Variants in MAPRE2 observed in about 807,000 individuals in gnomAD.
The protein encoded by MAPRE2 is microtubule associated protein RP/EB family member 2.
Under a neutral mutation model 43.2 loss-of-function variants are expected in MAPRE2, and 13 were observed. The ratio of observed to expected loss-of-function variants is 0.30; its 90% CI spans 0.20 to 0.48. The LOEUF (loss-of-function observed/expected upper bound fraction) is 0.48, where lower values mean the gene tolerates loss of function less well. MAPRE2 is among the 20% of genes least tolerant of loss of function. MAPRE2 has a pLI of 0.99. For missense variants in MAPRE2, 161 were observed against 400.2 expected (o/e 0.40, Z 5.10); for synonymous variants, 135 against 148.8 (o/e 0.91, Z 0.68).
intron 2 of MAPRE2, among the ~76,000 whole-genome samples, chr18:35,080,934 TA>T (rs910827272): frequency 6.6e-6 from 1 of 152,226 alleles, no homozygotes; most frequent in African/African-American, 2.4e-5. Flanking sequence ...ATAAGCTTTT[TA>T]TGACCAAATT....
chr18:35,092,177 C>T (rs371028423), intron 2 of MAPRE2, among the ~76,000 whole-genome samples: 1 of 152,320 alleles, frequency 6.6e-6, no homozygotes, highest in African/African-American at 2.4e-5. Context: ...CCAGTCACCT[C>T]CCACCAGGCC....
intron 6 of MAPRE2, among the ~76,000 whole-genome samples, chr18:35,139,670 A>T (rs987901399): frequency 1.3e-5 from 2 of 152,220 alleles, no homozygotes; most frequent in Non-Finnish European, 2.9e-5. Flanking sequence ...TTTGCCTGGG[A>T]CAACCCATGA....
chr18:35,126,380 A>G (rs547939491), intron 4 of MAPRE2, among the ~76,000 whole-genome samples: 1 of 152,304 alleles, frequency 6.6e-6, no homozygotes, highest in South Asian at 2.1e-4. Flanking sequence ...AGAATCAGCC[A>G]TTTCTCAAGA....
chr18:35,068,041 C>A (rs1272262676), intron 1 of MAPRE2, among the ~76,000 whole-genome samples: 1 of 152,064 alleles, frequency 6.6e-6, no homozygotes, highest in African/African-American at 2.4e-5. Flanking sequence ...AAGGGTGCTT[C>A]TGGGAATGGA....
intron 4 of MAPRE2, among the ~76,000 whole-genome samples, chr18:35,114,167 G>A (rs1251061831): frequency 1.3e-5 from 2 of 151,996 alleles, no homozygotes; most frequent in African/African-American, 2.4e-5. Context: ...ATTATATTGC[G>A]TCTCTCATAT....
chr18:35,058,412 T>G (rs1906348131), intron 1 of MAPRE2, among the ~76,000 whole-genome samples: 1 of 152,208 alleles, frequency 6.6e-6, no homozygotes, highest in African/African-American at 2.4e-5. Context: ...TTGTCTATTT[T>G]TTTTTAAGGA....
Position 35,141,045 on chromosome 18 carries a change from A to T in MAPRE2, c.*676A>T, listed in dbSNP as rs1216944766. 6.6e-6 allele frequency: 1 copy of T among 152,190 alleles called. No homozygotes were observed. Among genetic ancestry groups the T allele is most frequent in the Non-Finnish European group, 1.5e-5 (1 of 68,054 alleles). 9.4% of individuals were successfully genotyped at this position (152,190 alleles called of 1,614,324 possible). A position where few individuals can be genotyped will look rare whatever the true frequency, so the allele number is the denominator to read the frequency against. On this transcript the variant is annotated 3_prime_UTR_variant, in exon 7 of 7. Coordinates refer to ENST00000300249, the MANE Select transcript of MAPRE2 (RefSeq NM_014268.4). ...ACTACACAGTATGTTGTTAGTTTTG[A>T]AAGACATTCACTCAAGGAAAACACC... is the stretch of plus-strand genomic sequence containing the variant.
intron 4 of MAPRE2, among the ~76,000 whole-genome samples, chr18:35,111,419 T>G (rs570810834): frequency 3.9e-5 from 6 of 152,346 alleles, no homozygotes; most frequent in African/African-American, 1.4e-4. Context: ...ACAATTGACA[T>G]CTGTTGATTT....
chr18:35,095,778 G>T (rs1908389193), intron 2 of MAPRE2, among the ~76,000 whole-genome samples: 1 of 152,124 alleles, frequency 6.6e-6, no homozygotes, highest in African/African-American at 2.4e-5. Flanking sequence ...GAAAGAACTG[G>T]ATAGTGGGTG....
chr18:34,983,603 C>A (rs973933353), intron 1 of MAPRE2, among the ~76,000 whole-genome samples: 6 of 151,942 alleles, frequency 3.9e-5, no homozygotes, highest in African/African-American at 1.5e-4. Flanking sequence ...TGGAAATAGC[C>A]CTACTATTTT....
chr18:35,067,730 A>T (rs1906905685), intron 1 of MAPRE2, among the ~76,000 whole-genome samples: 1 of 152,206 alleles, frequency 6.6e-6, no homozygotes. Flanking sequence ...AAAGCCCATC[A>T]GCTGCCAAAA....
At chr18:35,048,471 CATACAT>C (rs1451778469) in intron 1 of MAPRE2, among the ~76,000 whole-genome samples, 5 of 151,080 alleles carry the variant, frequency 3.3e-5, no homozygotes, top group Non-Finnish European at 4.4e-5. Context: ...TATATATACA[CATACAT>C]ATATACTTTT....
At chr18:35,067,469 A>C (rs1480322092) in intron 1 of MAPRE2, among the ~76,000 whole-genome samples, 2 of 152,118 alleles carry the variant, frequency 1.3e-5, no homozygotes, top group Non-Finnish European at 2.9e-5. Context: ...GTTGTATATT[A>C]ATTTCTCTTA....
At chr18:35,018,916 T>C (rs1361731250) in intron 2 of MAPRE2, among the ~76,000 whole-genome samples, 1 of 151,934 alleles carries the variant, frequency 6.6e-6, no homozygotes, top group Non-Finnish European at 1.5e-5. Context: ...TGATGTTAGA[T>C]CATTAATGTA....
chr18:35,050,787 C>T (rs1323022761), intron 1 of MAPRE2, among the ~76,000 whole-genome samples: 1 of 152,132 alleles, frequency 6.6e-6, no homozygotes, highest in Non-Finnish European at 1.5e-5. Flanking sequence ...ATCTGGCCTT[C>T]ATGTGACCCC....
intron 1 of MAPRE2, among the ~76,000 whole-genome samples, chr18:34,985,745 T>TATATGTAATATATAAAATATATTAC (rs780038085): frequency 0.15 from 18,387 of 125,146 alleles, 1,827 homozygotes; most frequent in East Asian, 0.22. Context: ...ATATATATTA[T>TATATGTAATATATAAAATATATTAC]ATATGTAATA....
intron 1 of MAPRE2, among the ~76,000 whole-genome samples, chr18:34,981,221 A>G (rs2097016040): frequency 6.6e-6 from 1 of 152,052 alleles, no homozygotes; most frequent in Non-Finnish European, 1.5e-5. Flanking sequence ...TAAAAATATG[A>G]AAATTAGCCA....
At chr18:34,981,892 T>A (rs10659831) in intron 1 of MAPRE2, among the ~76,000 whole-genome samples, 15 of 42,768 alleles carry the variant, frequency 3.5e-4, no homozygotes, top group South Asian at 7.4e-4. Flanking sequence ...TATTTATTTT[T>A]TTTTTTTTTT....
At chr18:35,111,351 G>A (rs932116362) in intron 4 of MAPRE2, among the ~76,000 whole-genome samples, 3 of 151,762 alleles carry the variant, frequency 2.0e-5, no homozygotes, top group Admixed American at 6.6e-5. Flanking sequence ...CACTAAACAC[G>A]CTTATGGTAG....
Sources: allele counts gnomAD v4.1 joint callset (sites outside exome capture counted in the v4.1 genomes callset), GRCh38; gene constraint gnomAD v4.1.1; transcripts MANE v1.5; gene names NCBI Gene and HGNC (gene_info 2026-07-23, HGNC 2026-07-21).